Variants in LPIN3 observed in about 807,000 individuals in gnomAD.
LPIN3 encodes the protein phosphatidate phosphatase LPIN3.
A neutral mutation model predicts 94.7 loss-of-function variants in LPIN3; 82 were observed. That is an observed-to-expected ratio of 0.87 (90% CI 0.72 to 1.04). LPIN3 has a LOEUF of 1.04. LPIN3 is among the 50% of genes least tolerant of loss of function. The pLI, the probability that LPIN3 is intolerant of heterozygous loss-of-function variation, is 0.00. For missense variants in LPIN3, 996 were observed against 1,090.5 expected (o/e 0.91, Z 1.22); for synonymous variants, 418 against 443.3 (o/e 0.94, Z 0.72).
In LPIN3 at chr20:41,354,724, T is replaced by G; in HGVS notation, c.1607T>G (p.Phe536Cys). ...TGGTTTTCCTGGCGACGCAGGGACTTCCTGGCCGAGGAGGTGGGTGGTCAC... is the reference window on the plus strand; with the variant it reads ...TGGTTTTCCTGGCGACGCAGGGACTGCCTGGCCGAGGAGGTGGGTGGTCAC... Reference protein sequence around the residue: ...RWWFSWRRRDFLAEERSAQKE... With the variant: ...RWWFSWRRRDCLAEERSAQKE... Residue 536 changes from phenylalanine to cysteine, a missense_variant, in exon 12 of 20, where the codon TTC (phenylalanine) becomes TGC (cysteine). Transcript: ENST00000373257. 6.2e-7 allele frequency: 1 copy of G among 1,607,994 alleles called. No individual in the cohort carries two copies. The highest frequency in any genetic ancestry group is 8.5e-7 in the Non-Finnish European group (1 of 1,176,250).
In LPIN3 at chr20:41,349,139, C is replaced by T. The variant is rs768404861; in HGVS notation, c.605C>T (p.Pro202Leu). 4 of 1,614,208 alleles carry T rather than the reference C, an allele frequency of 2.5e-6. No individual in the cohort carries two copies. In the South Asian group the frequency reaches 4.4e-5, roughly 18 times the overall value. The change falls in exon 5 of 20, where the codon CCC (proline) becomes CTC (leucine). Residue 202 changes from proline (P) to leucine (L), a missense_variant. By Grantham distance (98) the Pro-to-Leu change is moderately conservative. Coordinates refer to ENST00000373257, the MANE Select transcript of LPIN3 (RefSeq NM_022896.3). ...TCACTGCAGCCCAAAGACATCTACCCCTACTCGGATGGCGAGTGGCCCCCC... is the reference window on the plus strand; with the variant it reads ...TCACTGCAGCCCAAAGACATCTACCTCTACTCGGATGGCGAGTGGCCCCCC... ...KSSLQPKDIY[P>L]YSDGEWPPQA...
chr20:41,358,620 C>T (rs2046301507), intron 19 of LPIN3, 78 bp downstream of exon 19: 9 of 1,603,806 alleles, frequency 5.6e-6, no homozygotes, highest in Non-Finnish European at 7.7e-6. Context: ...CCCAATTTTA[C>T]CTCTTACCGG....
chr20:41,352,799 C>A lies in LPIN3; in HGVS notation c.1459C>A (p.His487Asn), dbSNP rs2046074716. ...PNLVVKINGKHYNWAVAAPMI... is the reference protein window; with the variant it reads ...PNLVVKINGKNYNWAVAAPMI... ...TGATGCCCTGTTCTGTCTCTCTAGG[C>A]ATTATAACTGGGCTGTGGCTGCCCC... Residue 487 changes from histidine to asparagine, a missense_variant and splice_region_variant, in exon 11 of 20, where the codon CAT becomes AAT. Physicochemically the swap from His to Asn is moderately conservative, Grantham distance 68. Transcript: ENST00000373257. 1.2e-6 allele frequency: 2 copies of A among 1,614,216 alleles called. No homozygotes were observed. The highest frequency in any genetic ancestry group is 4.5e-5 in the East Asian group (2 of 44,890).
chr20:41,349,164 C>G lies in LPIN3; in HGVS notation c.630C>G (p.Pro210=), dbSNP rs535035748. 9.3e-6 allele frequency: 15 copies of G among 1,614,110 alleles called. No individual in the cohort carries two copies. The South Asian group carries it at 1.6e-4, about 18-fold the overall frequency. Reference sequence around the variant, plus strand: ...CCTACTCGGATGGCGAGTGGCCCCCCCAGGCCAGGTAAGAGTCCAGGTGGG... The same window carrying G: ...CCTACTCGGATGGCGAGTGGCCCCCGCAGGCCAGGTAAGAGTCCAGGTGGG... ...IYPYSDGEWP[P]QASLSAGELT... The change falls in exon 5 of 20, where the codon CCC becomes CCG. Residue 210 remains proline (P), a synonymous_variant. Transcript: ENST00000373257.
At chr20:41,353,397 C>T (rs1428470730) in intron 11 of LPIN3, among the ~76,000 whole-genome samples, 5 of 152,174 alleles carry the variant, frequency 3.3e-5, no homozygotes, top group South Asian at 2.1e-4. Flanking sequence ...CAAAGGAAGA[C>T]GAAGTTAACC....
chr20:41,357,748 C>A, intron 16 of LPIN3, 134 bp from the exon 17 acceptor site: 1 of 1,218,622 alleles, frequency 8.2e-7, no homozygotes. Flanking sequence ...CCTGGCCGTT[C>A]TCTTCAAGTC....
chr20:41,355,547 G>C (rs561869036), intron 13 of LPIN3, among the ~76,000 whole-genome samples: 114 of 152,344 alleles, frequency 7.5e-4, no homozygotes, highest in African/African-American at 2.7e-3. Context: ...GCCTAAGGCT[G>C]GGTGGAGAGT....
chr20:41,344,322 G>A (rs2045693873), intron 1 of LPIN3, among the ~76,000 whole-genome samples: 1 of 152,204 alleles, frequency 6.6e-6, no homozygotes, highest in South Asian at 2.1e-4. Context: ...AGCTGGATAT[G>A]AGTCTTTACT....
intron 13 of LPIN3, 127 bp downstream of exon 13, chr20:41,354,990 C>A: frequency 2.5e-6 from 2 of 798,398 alleles, no homozygotes; most frequent in Non-Finnish European, 3.9e-6. Context: ...TGTCATTCCT[C>A]AAGCACCAAG....
Position 41,350,242 on chromosome 20 carries a change from T to C in LPIN3, c.947T>C (p.Leu316Pro). Residue 316 changes from leucine to proline, a missense_variant, in exon 7 of 20, where the codon CTA becomes CCA. By Grantham distance (98) the Leu-to-Pro change is moderately conservative. Transcript: ENST00000373257. ...CAGCCTGACACAGAGGATCCCACTC[T>C]AGTGGGTCCCCCTCTCCACACCCCA... ...DLQPDTEDPT[L>P]VGPPLHTPET... 1 of 1,613,784 alleles carries C rather than the reference T, an allele frequency of 6.2e-7. No individual in the cohort carries two copies. The highest frequency in any genetic ancestry group is 8.5e-7 in the Non-Finnish European group (1 of 1,180,000).
Position 41,348,691 on chromosome 20 carries a change from C to T in LPIN3, c.361C>T (p.Gln121Ter), listed in dbSNP as rs141862610. The T allele has an allele frequency of 6.2e-7, 1 of 1,613,978 alleles. No homozygotes were observed. Among genetic ancestry groups the T allele is most frequent in the African/African-American group, 1.3e-5 (1 of 75,030 alleles). The change falls in exon 4 of 20, where the codon CAG (glutamine) becomes TAG (stop). Residue 121 changes from glutamine to a stop codon, truncating the protein, a stop_gained. Transcript: ENST00000373257. LOFTEE classifies it high-confidence loss of function. Reference protein sequence around the residue: ...GGLSGFPSDSQLGTASEPEGL... With the variant: ...GGLSGFPSDS ...TCTGTCTGGCTTCCCCTCGGACTCC[C>T]AGCTGGGCACTGCCAGTGAGCCTGA...
chr20:41,354,811 T>C lies in LPIN3; in HGVS notation c.1621-9T>C. ...AGGTGGGATTCACTAATGGATGTTC[T>C]TTCCACAGCGCAGTGCCCAGAAGGA... is the stretch of plus-strand genomic sequence containing the variant. On this transcript the variant is annotated splice_polypyrimidine_tract_variant and intron_variant, in intron 12 of 19. Coordinates refer to ENST00000373257, the MANE Select transcript of LPIN3 (RefSeq NM_022896.3). 9.9e-6 allele frequency: 16 copies of C among 1,608,430 alleles called. No homozygotes were observed. The highest frequency in any genetic ancestry group is 1.4e-5 in the Non-Finnish European group (16 of 1,177,192).
chr20:41,344,994 G>A (rs1405751985), intron 1 of LPIN3, among the ~76,000 whole-genome samples: 2 of 152,222 alleles, frequency 1.3e-5, no homozygotes, highest in African/African-American at 4.8e-5. Context: ...TCTGACCCCA[G>A]GAATGGGGCT....
chr20:41,347,654 C>T lies in LPIN3; in HGVS notation c.288+7C>T, dbSNP rs759700170. Reference sequence around the variant, plus strand: ...GGAGCTGGAGAGCGATGATGTGAGTCTGCCCTCCTAACAGCACCTGCCCCG... The same window carrying T: ...GGAGCTGGAGAGCGATGATGTGAGTTTGCCCTCCTAACAGCACCTGCCCCG... On this transcript the variant is annotated splice_region_variant and intron_variant, in intron 3 of 19. Coordinates refer to ENST00000373257, the MANE Select transcript of LPIN3 (RefSeq NM_022896.3). 5 of 1,610,746 alleles carry T rather than the reference C, an allele frequency of 3.1e-6. No homozygotes were observed. The highest frequency in any genetic ancestry group is 3.4e-6 in the Non-Finnish European group (4 of 1,177,986).
At position 41,345,860 on chromosome 20, in the gene LPIN3, C is replaced by T; in HGVS notation, c.57C>T (p.Tyr19=). The change falls in exon 2 of 20, where the codon TAC becomes TAT. Residue 19 remains tyrosine, a synonymous_variant. Coordinates refer to ENST00000373257, the MANE Select transcript of LPIN3 (RefSeq NM_022896.3). ...TGTTTGGGACGGTGAAGGAGCTGTA[C>T]CGGGGCCTGAACCCAGCCACACTGA... is the stretch of plus-strand genomic sequence containing the variant. ...ETVFGTVKEL[Y]RGLNPATLSG... 1.2e-6 allele frequency: 2 copies of T among 1,614,234 alleles called. No individual in the cohort carries two copies. Among genetic ancestry groups the T allele is most frequent in the Non-Finnish European group, 1.7e-6 (2 of 1,180,044 alleles).
chr20:41,353,566 G>A (rs534717307), intron 11 of LPIN3, among the ~76,000 whole-genome samples: 1 of 152,302 alleles, frequency 6.6e-6, no homozygotes, highest in East Asian at 1.9e-4. Context: ...GTGGGGAACA[G>A]CATGTATGAT....
At position 41,354,681 on chromosome 20, in the gene LPIN3, C is replaced by T. The variant is rs138855677; in HGVS notation, c.1564C>T (p.Arg522Trp). The T allele has an allele frequency of 1.7e-3, 2,744 of 1,602,624 alleles. 7 individuals carry two copies. Among genetic ancestry groups the T allele is most frequent in the Non-Finnish European group, 2.1e-3 (2,461 of 1,173,562 alleles). ...CAAGCTGGAGAGGGAGAAGATGCCC[C>T]GGAAGGGTGGGCGATGGTGGTTTTC... The part of the protein sequence containing the change: ...MDKLEREKMP[R>W]KGGRWWFSWR... Residue 522 changes from arginine (R) to tryptophan (W), a missense_variant, in exon 12 of 20, where the codon CGG becomes TGG. Arg to Trp is a moderately radical substitution (Grantham distance 101). Transcript: ENST00000373257.
chr20:41,345,143 G>A (rs35016513), intron 1 of LPIN3, among the ~76,000 whole-genome samples: 10,495 of 152,276 alleles, frequency 0.069, 484 homozygotes, highest in Non-Finnish European at 0.099. Flanking sequence ...ATGGAAAAGT[G>A]GAGGCTCCTT....
At chr20:41,352,360 A>G (rs540203120) in intron 9 of LPIN3, 140 bp downstream of exon 9, 1 of 1,030,804 alleles carries the variant, frequency 9.7e-7, no homozygotes, top group East Asian at 2.5e-5. Context: ...TGCAGTCCAC[A>G]CTCCGCCAGC....
Sources: gnomAD v4.1 joint callset for allele counts (sites outside exome capture counted in the v4.1 genomes callset) on GRCh38, gnomAD v4.1.1 for gene constraint, MANE v1.5 for transcripts, NCBI Gene and HGNC (gene_info 2026-07-23, HGNC 2026-07-21) for gene names.